The following COL21A1 variants were observed in gnomAD, a reference collection of about 807,000 sequenced individuals.
COL21A1 encodes collagen alpha-1(XXI) chain.
A neutral mutation model predicts 137.9 loss-of-function variants in COL21A1; 149 were observed. The ratio of observed to expected loss-of-function variants is 1.08; its 90% CI spans 0.95 to 1.24. The LOEUF is 1.24. Ranked by LOEUF, COL21A1 falls within the 50% of genes most tolerant of loss-of-function variation. The probability of loss-of-function intolerance (pLI) is 0.00; values close to 1 mark genes in which losing one functional copy is unlikely to be tolerated. For synonymous variants in COL21A1, 456 were observed against 391.5 expected (o/e 1.16, Z -1.95); for missense variants, 1,167 against 1,158.4 (o/e 1.01, Z -0.11).
intron 1 of COL21A1, among the ~76,000 whole-genome samples, chr6:56,352,349 T>C (rs186022541): frequency 3.3e-5 from 5 of 151,580 alleles, no homozygotes; most frequent in African/African-American, 1.2e-4. Flanking sequence ...GAATGGAGAG[T>C]AAATCTAGAG....
Position 56,253,789 on chromosome 6 carries a change from C to T in COL21A1, c.-38-71133G>A, listed in dbSNP as rs529416682. 3.3e-5 allele frequency among the ~76,000 whole-genome samples: 5 copies of T among 152,222 alleles called. No homozygotes were observed. In the East Asian group the frequency reaches 9.6e-4, roughly 29 times the overall value. On this transcript the variant is annotated intron_variant, in intron 1 of 28. Transcript: ENST00000370819. ...CTGTTCAAATATTTTGCTTTAAATG[C>T]TAAATATAAATGCTTAAAAGAGCTT... is the stretch of plus-strand genomic sequence containing the variant.
chr6:56,296,270 T>A (rs1243602591), intron 1 of COL21A1, among the ~76,000 whole-genome samples: 1 of 152,024 alleles, frequency 6.6e-6, no homozygotes, highest in African/African-American at 2.4e-5. Context: ...TATTTTTAAA[T>A]GAAGATAAGA....
At chr6:56,369,981 T>C (rs1264066748) in intron 1 of COL21A1, among the ~76,000 whole-genome samples, 3 of 152,204 alleles carry the variant, frequency 2.0e-5, no homozygotes, top group African/African-American at 4.8e-5. Flanking sequence ...CAGTTTATGT[T>C]GAATGGTTGT....
At chr6:56,163,855 A>G (rs752564913) in intron 9 of COL21A1, among the ~76,000 whole-genome samples, 5 of 152,232 alleles carry the variant, frequency 3.3e-5, no homozygotes, top group Non-Finnish European at 7.3e-5. Context: ...ATACAAATCA[A>G]TATGTAAATG....
intron 1 of COL21A1, among the ~76,000 whole-genome samples, chr6:56,366,803 C>T (rs1179313321): frequency 6.6e-6 from 1 of 152,202 alleles, no homozygotes; most frequent in Non-Finnish European, 1.5e-5. Context: ...CAGCACAACA[C>T]TTTTAGCAAC....
chr6:56,251,747 A>G (rs1234838224), upstream of COL21A1, among the ~76,000 whole-genome samples: 1 of 152,244 alleles, frequency 6.6e-6, no homozygotes, highest in Admixed American at 6.5e-5. Context: ...GTGGCCATTC[A>G]CAAAGACAAG....
intron 1 of COL21A1, among the ~76,000 whole-genome samples, chr6:56,223,517 A>G (rs1302467598): frequency 6.6e-6 from 1 of 152,102 alleles, no homozygotes; most frequent in Admixed American, 6.6e-5. Context: ...TTTTCTTTAC[A>G]TGCTTAGCAC....
At chr6:56,358,732 G>C (rs969207703) in intron 1 of COL21A1, among the ~76,000 whole-genome samples, 7 of 152,130 alleles carry the variant, frequency 4.6e-5, no homozygotes, top group Non-Finnish European at 8.8e-5. Flanking sequence ...AGTCAGGAGA[G>C]ATACTCAAAG....
intron 1 of COL21A1, among the ~76,000 whole-genome samples, chr6:56,345,818 G>T (rs1362126228): frequency 2.0e-5 from 3 of 152,206 alleles, no homozygotes; most frequent in Non-Finnish European, 4.4e-5. Context: ...GTCAGAGGAG[G>T]CCCAGGGGCC....
chr6:56,284,206 C>A (rs1222181882), intron 1 of COL21A1, among the ~76,000 whole-genome samples: 1 of 148,024 alleles, frequency 6.8e-6, no homozygotes, highest in South Asian at 2.2e-4. Flanking sequence ...CGCCACCACA[C>A]CCAGCTAAAT....
intron 1 of COL21A1, among the ~76,000 whole-genome samples, chr6:56,186,289 C>G (rs1000374508): frequency 6.6e-6 from 1 of 152,002 alleles, no homozygotes; most frequent in Non-Finnish European, 1.5e-5. Context: ...TCAAAAGTTC[C>G]TAACAAAATT....
intron 1 of COL21A1, among the ~76,000 whole-genome samples, chr6:56,208,901 C>A (rs1779972273): frequency 6.6e-6 from 1 of 152,120 alleles, no homozygotes; most frequent in South Asian, 2.1e-4. Flanking sequence ...CTTTGACAAA[C>A]CTGACACAAA....
Position 56,194,020 on chromosome 6 carries a change from A to C in COL21A1, c.-38-11364T>G, listed in dbSNP as rs138860032. Among the ~76,000 whole-genome samples the C allele has an allele frequency of 2.1e-3, 313 of 152,316 alleles. 2 individuals are homozygous for C. Among genetic ancestry groups the C allele is most frequent in the African/African-American group, 7.2e-3 (301 of 41,574 alleles). ...CCAAAGTGCTGGGATTACAGGCGTG[A>C]GCCACCATGGCCAGCTGAGAGGCAT... is the stretch of plus-strand genomic sequence containing the variant. On this transcript the variant is annotated intron_variant, in intron 1 of 29. Coordinates refer to ENST00000244728, the MANE Select transcript of COL21A1 (RefSeq NM_030820.4).
At chr6:56,215,260 TG>T (rs1239994246) in intron 1 of COL21A1, among the ~76,000 whole-genome samples, 1 of 152,074 alleles carries the variant, frequency 6.6e-6, no homozygotes, top group Non-Finnish European at 1.5e-5. Flanking sequence ...TCTGAGAGTG[TG>T]GGTAGCACCT....
At chr6:56,260,910 C>T (rs1763258171) in intron 1 of COL21A1, among the ~76,000 whole-genome samples, 3 of 91,350 alleles carry the variant, frequency 3.3e-5, no homozygotes, top group South Asian at 3.1e-4. Context: ...TATAGCTATA[C>T]CTATACATTT....
chr6:56,113,658 C>T (rs778054413), intron 16 of COL21A1, among the ~76,000 whole-genome samples: 2 of 152,156 alleles, frequency 1.3e-5, no homozygotes, highest in Non-Finnish European at 2.9e-5. Context: ...TGGGGTAAAA[C>T]TCCTTCTGCT....
At chr6:56,292,399 C>CCT (rs1554179612) in intron 1 of COL21A1, among the ~76,000 whole-genome samples, 11 of 140,084 alleles carry the variant, frequency 7.9e-5, no homozygotes, top group Admixed American at 5.3e-4. Context: ...GGACCCCCCC[C>CCT]CTCCCCCGCC....
chr6:56,379,581 C>G (rs1221958604), intron 1 of COL21A1, among the ~76,000 whole-genome samples: 1 of 152,186 alleles, frequency 6.6e-6, no homozygotes, highest in Non-Finnish European at 1.5e-5. Context: ...CTACCTCCTC[C>G]TCATCCTACG....
At chr6:56,073,360 C>G (rs1167424981) in intron 20 of COL21A1, among the ~76,000 whole-genome samples, 1 of 151,418 alleles carries the variant, frequency 6.6e-6, no homozygotes, top group Non-Finnish European at 1.5e-5. Flanking sequence ...GATGGAAGAG[C>G]AGCTACCTTT....
Sources: gnomAD v4.1 joint callset for allele counts (sites outside exome capture counted in the v4.1 genomes callset) on GRCh38, gnomAD v4.1.1 for gene constraint, MANE v1.5 for transcripts, NCBI Gene and HGNC (gene_info 2026-07-23, HGNC 2026-07-21) for gene names.